Variants in EPHA3 observed in about 807,000 individuals in gnomAD.
The protein encoded by EPHA3 is ephrin type-A receptor 3.
In EPHA3, 42 loss-of-function variants were observed where a neutral mutation model predicts 107.1. The ratio of observed to expected loss-of-function variants is 0.39; its 90% confidence interval spans 0.31 to 0.51. The LOEUF (loss-of-function observed/expected upper bound fraction) is 0.51. Among genes scored for constraint, EPHA3 ranks in the 20% least tolerant of loss-of-function variants. The probability of loss-of-function intolerance (pLI) is 0.78; values close to 1 mark genes in which losing one functional copy is unlikely to be tolerated. For synonymous variants in EPHA3, 461 were observed against 424.8 expected (o/e 1.09, Z -1.05); for missense variants, 1,183 against 1,211.2 (o/e 0.98, Z 0.35).
intron 3 of EPHA3, among the ~76,000 whole-genome samples, chr3:89,318,475 T>G (rs1385112812): frequency 1.1e-4 from 17 of 151,890 alleles, no homozygotes. Flanking sequence ...TCAGACTATT[T>G]TCTGTTGAAT....
intron 5 of EPHA3, among the ~76,000 whole-genome samples, chr3:89,367,692 C>A (rs58564370): frequency 0.016 from 2,339 of 150,830 alleles, 65 homozygotes; most frequent in African/African-American, 0.054. Flanking sequence ...AGATATATCT[C>A]CTTCCTATTC....
At chr3:89,436,270 C>A (rs1054131733) in intron 13 of EPHA3, among the ~76,000 whole-genome samples, 21 of 152,084 alleles carry the variant, frequency 1.4e-4, no homozygotes, top group Non-Finnish European at 2.6e-4. Context: ...ATTTAGTGTG[C>A]TCTGATTATT....
chr3:89,446,385 TC>T (rs970138416), intron 13 of EPHA3, among the ~76,000 whole-genome samples: 14 of 152,144 alleles, frequency 9.2e-5, no homozygotes, highest in African/African-American at 3.4e-4. Flanking sequence ...GAAATATGGC[TC>T]TGTTCTTCCT....
chr3:89,211,032 G>T (rs1484342609), intron 3 of EPHA3, among the ~76,000 whole-genome samples: 1 of 151,974 alleles, frequency 6.6e-6, no homozygotes, highest in Non-Finnish European at 1.5e-5. Context: ...AGAGATTAGT[G>T]CTTTTAGAAG....
intron 2 of EPHA3, among the ~76,000 whole-genome samples, chr3:89,190,566 TG>T (rs1265193133): frequency 1.3e-5 from 2 of 152,064 alleles, no homozygotes; most frequent in African/African-American, 4.8e-5. Context: ...AGGCTGGAAG[TG>T]TGAAATCAAC....
At chr3:89,237,481 G>C (rs1353041272) in intron 3 of EPHA3, among the ~76,000 whole-genome samples, 1 of 152,184 alleles carries the variant, frequency 6.6e-6, no homozygotes, top group African/African-American at 2.4e-5. Flanking sequence ...TAGAAATAGA[G>C]ATATCCATAA....
At chr3:89,314,809 A>C (rs1233390616) in intron 3 of EPHA3, among the ~76,000 whole-genome samples, 1 of 152,008 alleles carries the variant, frequency 6.6e-6, no homozygotes, top group Non-Finnish European at 1.5e-5. Flanking sequence ...TATTTGAAAA[A>C]AATATATATG....
In EPHA3 at chr3:89,254,680, T is replaced by A. The variant is rs1352167948; in HGVS notation, c.814+44160T>A. ...CCTTATAACGGTTTAACATTTCCTA[T>A]CTATATGAATAAAGCAAGTTCTTTT... is the stretch of plus-strand genomic sequence containing the variant. On this transcript the variant is annotated intron_variant, in intron 3 of 16. Coordinates refer to ENST00000336596, the MANE Select transcript of EPHA3 (RefSeq NM_005233.6). Among the ~76,000 whole-genome samples the A allele has an allele frequency of 2.0e-5, 3 of 152,366 alleles. No homozygotes were observed. In the East Asian group the frequency reaches 5.8e-4, roughly 29 times the overall value.
chr3:89,262,485 T>G (rs1705438710), intron 3 of EPHA3, among the ~76,000 whole-genome samples: 1 of 152,216 alleles, frequency 6.6e-6, no homozygotes, highest in Non-Finnish European at 1.5e-5. Context: ...TCACAAGGCC[T>G]TATTCACAGT....
chr3:89,149,919 A>T (rs1256984692), intron 2 of EPHA3, among the ~76,000 whole-genome samples: 1 of 151,952 alleles, frequency 6.6e-6, no homozygotes, highest in South Asian at 2.1e-4. Flanking sequence ...GTTATAATAA[A>T]CAAATTAAAT....
chr3:89,347,398 C>T (rs1707693430), intron 5 of EPHA3, among the ~76,000 whole-genome samples: 1 of 149,766 alleles, frequency 6.7e-6, no homozygotes, highest in East Asian at 1.9e-4. Flanking sequence ...TGGGAGTTCA[C>T]TCATGATTTG....
intron 3 of EPHA3, among the ~76,000 whole-genome samples, chr3:89,330,083 T>A (rs1366439380): frequency 6.6e-6 from 1 of 152,056 alleles, no homozygotes; most frequent in Non-Finnish European, 1.5e-5. Context: ...TTCAGTCAAG[T>A]TTTGTTGATC....
At chr3:89,320,627 C>G (rs575271216) in intron 3 of EPHA3, among the ~76,000 whole-genome samples, 3 of 151,716 alleles carry the variant, frequency 2.0e-5, no homozygotes, top group African/African-American at 7.2e-5. Flanking sequence ...GGCTACATGG[C>G]AAGATTTTTT....
intron 3 of EPHA3, among the ~76,000 whole-genome samples, chr3:89,291,619 G>A (rs1706207610): frequency 6.6e-6 from 1 of 152,164 alleles, no homozygotes; most frequent in Admixed American, 6.5e-5. Context: ...GCAGATGTAA[G>A]ATAACTTATG....
chr3:89,460,417 A>G (rs1238479966), intron 15 of EPHA3, among the ~76,000 whole-genome samples: 6 of 152,212 alleles, frequency 3.9e-5, no homozygotes, highest in Non-Finnish European at 8.8e-5. Context: ...AGACCCAATT[A>G]TATTTAGTTA....
intron 3 of EPHA3, among the ~76,000 whole-genome samples, chr3:89,241,431 A>G (rs1197736675): frequency 2.0e-5 from 3 of 152,184 alleles, no homozygotes; most frequent in Admixed American, 6.5e-5. Context: ...TATTTTAGCA[A>G]TCTTGAAATA....
intron 5 of EPHA3, among the ~76,000 whole-genome samples, chr3:89,395,269 G>A (rs1194821569): frequency 1.3e-5 from 2 of 152,064 alleles, no homozygotes; most frequent in African/African-American, 4.8e-5. Flanking sequence ...TTTCTTTGTA[G>A]TCAAGAGATG....
chr3:89,385,542 CCTCCCTAGTCCTGAAGAACTGTG>C (rs1708597783), intron 5 of EPHA3, among the ~76,000 whole-genome samples: 1 of 152,192 alleles, frequency 6.6e-6, no homozygotes, highest in South Asian at 2.1e-4. Flanking sequence ...TTTCCTGAGG[CCTCCCTAGTCCTGAAGAACTGTG>C]AGTTGATTAA....
intron 5 of EPHA3, among the ~76,000 whole-genome samples, chr3:89,350,073 G>A (rs1707771739): frequency 6.6e-6 from 1 of 150,754 alleles, no homozygotes; most frequent in South Asian, 2.1e-4. Context: ...TTCAACTTTG[G>A]TGAATCTGAT....
Sources: allele counts gnomAD v4.1 joint callset (sites outside exome capture counted in the v4.1 genomes callset), GRCh38; gene constraint gnomAD v4.1.1; transcripts MANE v1.5; gene names NCBI Gene and HGNC (gene_info 2026-07-23, HGNC 2026-07-21).